Variants in RAPGEF4 observed in about 807,000 individuals in gnomAD.
RAPGEF4 encodes the protein RAP guanine-nucleotide-exchange factor (GEF) 4.
Under a neutral mutation model 147.9 loss-of-function variants are expected in RAPGEF4, and 66 were observed. That is an observed-to-expected ratio of 0.45 (90% confidence interval 0.37 to 0.55). The LOEUF (loss-of-function observed/expected upper bound fraction) is 0.55. Ranked by LOEUF, RAPGEF4 falls within the 20% of genes least tolerant of loss-of-function variation. The pLI is 0.00. For synonymous variants in RAPGEF4, 419 were observed against 442.7 expected, an observed-to-expected ratio of 0.95 and a Z score of 0.67; for missense variants, 1,071 against 1,257.3, an observed-to-expected ratio of 0.85 and a Z score of 2.24.
intron 10 of RAPGEF4, among the ~76,000 whole-genome samples, chr2:172,978,076 C>T (rs1284997615): frequency 3.9e-5 from 6 of 152,172 alleles, no homozygotes; most frequent in Admixed American, 6.5e-5. Context: ...TTGTGGACCT[C>T]TCTGAGGCAT....
At chr2:172,910,845 A>G (rs1700022838) in intron 4 of RAPGEF4, among the ~76,000 whole-genome samples, 1 of 152,236 alleles carries the variant, frequency 6.6e-6, no homozygotes, top group African/African-American at 2.4e-5. Context: ...CTGGGAAGTC[A>G]CACAGCATCA....
chr2:173,023,416 C>T (rs1364779792), intron 23 of RAPGEF4, among the ~76,000 whole-genome samples: 1 of 152,188 alleles, frequency 6.6e-6, no homozygotes, highest in Non-Finnish European at 1.5e-5. Context: ...ATCTGTAGGA[C>T]ATTTCCACAG....
chr2:173,033,882 A>T (rs776417488), intron 26 of RAPGEF4, 32 bp from the exon 27 acceptor site: 1 of 1,603,646 alleles, frequency 6.2e-7, no homozygotes, highest in Non-Finnish European at 8.5e-7. Flanking sequence ...TGAATCTGAC[A>T]TATGCGTGTG....
intron 4 of RAPGEF4, among the ~76,000 whole-genome samples, chr2:172,848,056 A>G (rs1197290109): frequency 1.3e-5 from 2 of 152,162 alleles, no homozygotes; most frequent in Non-Finnish European, 2.9e-5. Flanking sequence ...TCCTTTTCAT[A>G]ATGGAAGACA....
intron 29 of RAPGEF4, among the ~76,000 whole-genome samples, chr2:173,044,832 T>C (rs531215737): frequency 6.6e-6 from 1 of 152,204 alleles, no homozygotes; most frequent in Non-Finnish European, 1.5e-5. Flanking sequence ...AGCTATTTGC[T>C]CAAGGGAATG....
chr2:172,840,345 G>T (rs903627783), intron 4 of RAPGEF4, among the ~76,000 whole-genome samples: 5 of 152,210 alleles, frequency 3.3e-5, no homozygotes, highest in African/African-American at 1.2e-4. Context: ...CGAAGAAGGA[G>T]TGAGCCCTGA....
At chr2:172,948,585 T>G (rs1475727026) in intron 6 of RAPGEF4, among the ~76,000 whole-genome samples, 2 of 152,112 alleles carry the variant, frequency 1.3e-5, no homozygotes, top group Non-Finnish European at 2.9e-5. Flanking sequence ...GGTGTCCACT[T>G]GAAATTAATG....
chr2:172,885,078 G>A (rs1697035079), intron 4 of RAPGEF4, among the ~76,000 whole-genome samples: 1 of 152,140 alleles, frequency 6.6e-6, no homozygotes, highest in African/African-American at 2.4e-5. Flanking sequence ...CTTCAATGCT[G>A]GGGGATATTC....
chr2:172,794,358 A>G (rs1686150968), intron 1 of RAPGEF4, among the ~76,000 whole-genome samples: 1 of 151,500 alleles, frequency 6.6e-6, no homozygotes. Flanking sequence ...AAAAAAAAAA[A>G]AAAAAAAGAA....
intron 10 of RAPGEF4, among the ~76,000 whole-genome samples, chr2:172,970,940 A>G (rs1406421590): frequency 2.0e-5 from 3 of 152,218 alleles, no homozygotes; most frequent in African/African-American, 7.2e-5. Flanking sequence ...CAGAACGATG[A>G]CAGTTTGACG....
At chr2:172,897,784 A>G (rs1364260576) in intron 4 of RAPGEF4, among the ~76,000 whole-genome samples, 3 of 148,730 alleles carry the variant, frequency 2.0e-5, no homozygotes, top group Admixed American at 6.7e-5. Flanking sequence ...TAGAGCAAAC[A>G]TCAGCCAGAG....
intron 6 of RAPGEF4, among the ~76,000 whole-genome samples, chr2:172,925,884 AGAAAG>A (rs1468691949): frequency 2.0e-5 from 3 of 146,728 alleles, no homozygotes; most frequent in African/African-American, 7.5e-5. Flanking sequence ...GAGAAAGAAA[AGAAAG>A]GAAAGAAAGA....
intron 16 of RAPGEF4, 80 bp downstream of exon 16, chr2:172,996,634 G>A: frequency 1.0e-6 from 1 of 1,004,838 alleles, no homozygotes; most frequent in Non-Finnish European, 1.5e-6. Flanking sequence ...TTTGCAGTGT[G>A]TATAGCGAAA....
intron 4 of RAPGEF4, chr2:172,917,331 G>C (rs1684174598): frequency 2.4e-6 from 1 of 411,988 alleles, no homozygotes; most frequent in Admixed American, 2.8e-5. Context: ...AAGCGAATCA[G>C]CTTCTTTCAA....
intron 4 of RAPGEF4, among the ~76,000 whole-genome samples, chr2:172,886,282 A>G (rs1697203334): frequency 6.6e-6 from 1 of 152,166 alleles, no homozygotes; most frequent in Non-Finnish European, 1.5e-5. Flanking sequence ...TTATTTACAT[A>G]TTATCTATGG....
chr2:173,047,833 C>T (rs1045573066), intron 29 of RAPGEF4, among the ~76,000 whole-genome samples: 11 of 152,176 alleles, frequency 7.2e-5, no homozygotes, highest in Non-Finnish European at 1.0e-4. Context: ...CCTGCCACCA[C>T]GCCCGGCTAA....
chr2:172,794,600 G>A (rs909611490), intron 1 of RAPGEF4, among the ~76,000 whole-genome samples: 3 of 152,128 alleles, frequency 2.0e-5, no homozygotes, highest in Non-Finnish European at 2.9e-5. Context: ...TGATTTCAGT[G>A]TTGTTTTCTT....
intron 1 of RAPGEF4, among the ~76,000 whole-genome samples, chr2:172,773,646 C>T (rs190929317): frequency 1.3e-5 from 2 of 151,492 alleles, no homozygotes; most frequent in African/African-American, 2.4e-5. Context: ...CCCACACTGC[C>T]CCCCCCGCGG....
rs200004855 is a variant in RAPGEF4 at position 173,034,008 on chromosome 2, A to G, written c.2700+44A>G. 42 of 1,541,918 alleles carry G rather than the reference A, an allele frequency of 2.7e-5. No homozygotes were observed. In the African/African-American group the frequency reaches 4.6e-4, roughly 17 times the overall value. ...TTTATTCTGTTCACTGTCTACATTA[A>G]TCCAATTTCTGATTAGCTGAATTGA... On this transcript the variant is annotated intron_variant, in intron 27 of 30. Transcript: ENST00000397081.
Sources: gnomAD v4.1 joint callset for allele counts (sites outside exome capture counted in the v4.1 genomes callset) on GRCh38, gnomAD v4.1.1 for gene constraint, MANE v1.5 for transcripts, NCBI Gene and HGNC (gene_info 2026-07-23, HGNC 2026-07-21) for gene names.